NCOA1: variants seen among roughly 807,000 people sequenced by gnomAD.
The protein encoded by NCOA1 is Hin-2 protein.
A neutral mutation model predicts 150.9 loss-of-function variants in NCOA1; 35 were observed. That is an observed-to-expected ratio of 0.23 (90% CI 0.18 to 0.31). The LOEUF is 0.31. Among genes scored for constraint, NCOA1 ranks in the 10% least tolerant of loss-of-function variants. The pLI is 1.00. For synonymous variants in NCOA1, 590 were observed against 630.0 expected (o/e 0.94, Z 0.95); for missense variants, 1,491 against 1,749.3 (o/e 0.85, Z 2.63).
chr2:24,608,385 A>G (rs373430401), intron 3 of NCOA1, among the ~76,000 whole-genome samples: 7 of 150,698 alleles, frequency 4.6e-5, no homozygotes, highest in African/African-American at 7.3e-5. Flanking sequence ...GGTTCAAGCA[A>G]TTCTCCTGCC....
At chr2:24,660,663 T>C (rs180847800) in intron 5 of NCOA1, among the ~76,000 whole-genome samples, 2 of 152,324 alleles carry the variant, frequency 1.3e-5, no homozygotes, top group Admixed American at 1.3e-4. Flanking sequence ...AATATATTTT[T>C]CTACAAATAC....
chr2:24,555,270 TAATC>T (rs1049475450), intron 1 of NCOA1, among the ~76,000 whole-genome samples: 6 of 152,220 alleles, frequency 3.9e-5, no homozygotes, highest in African/African-American at 1.2e-4. Context: ...TTGGTATTCT[TAATC>T]TATCTTTGAG....
chr2:24,563,797 C>T (rs1666388536), intron 1 of NCOA1, among the ~76,000 whole-genome samples: 1 of 152,226 alleles, frequency 6.6e-6, no homozygotes, highest in Admixed American at 6.5e-5. Flanking sequence ...GGATTACAAG[C>T]ATGATCTACT....
chr2:24,753,675 T>C (rs1475835655), intron 20 of NCOA1, among the ~76,000 whole-genome samples: 1 of 152,202 alleles, frequency 6.6e-6, no homozygotes, highest in African/African-American at 2.4e-5. Flanking sequence ...ACTCTCCTCC[T>C]ATCACTTAGT....
At chr2:24,710,673 T>C (rs1455662991) in intron 13 of NCOA1, among the ~76,000 whole-genome samples, 1 of 152,188 alleles carries the variant, frequency 6.6e-6, no homozygotes, top group Non-Finnish European at 1.5e-5. Context: ...TACCAAGATA[T>C]AGTAGCCAAA....
At chr2:24,631,461 T>A (rs1669705677) in intron 3 of NCOA1, among the ~76,000 whole-genome samples, 1 of 152,178 alleles carries the variant, frequency 6.6e-6, no homozygotes, top group African/African-American at 2.4e-5. Context: ...TAACAAATTT[T>A]CATCACACCT....
At chr2:24,601,973 A>G (rs142845131) in intron 3 of NCOA1, among the ~76,000 whole-genome samples, 2 of 152,234 alleles carry the variant, frequency 1.3e-5, no homozygotes, top group East Asian at 3.9e-4. Context: ...GAATACAAGA[A>G]TTCCTTCCTT....
intron 1 of NCOA1, among the ~76,000 whole-genome samples, chr2:24,502,866 A>T (rs967883217): frequency 1.3e-5 from 2 of 152,182 alleles, no homozygotes; most frequent in Non-Finnish European, 2.9e-5. Context: ...AAAGTAATCA[A>T]TTCCTCCTGT....
chr2:24,737,894 C>G (rs1044894062), intron 17 of NCOA1, among the ~76,000 whole-genome samples: 4 of 152,160 alleles, frequency 2.6e-5, no homozygotes, highest in African/African-American at 9.7e-5. Context: ...TTAAGTAAAT[C>G]TTTATAAAAT....
chr2:24,627,803 GTTT>G (rs1437682857), intron 3 of NCOA1, among the ~76,000 whole-genome samples: 2 of 152,180 alleles, frequency 1.3e-5, no homozygotes, highest in Non-Finnish European at 2.9e-5. Context: ...TAATTTTTAG[GTTT>G]TTGAGTGTGG....
intron 1 of NCOA1, among the ~76,000 whole-genome samples, chr2:24,501,727 G>A (rs1442018163): frequency 1.3e-5 from 2 of 152,142 alleles, no homozygotes; most frequent in Non-Finnish European, 2.9e-5. Context: ...ATAGGCTTTA[G>A]GGGATCTGTA....
At chr2:24,550,179 CTT>C (rs909595011) in intron 1 of NCOA1, among the ~76,000 whole-genome samples, 1 of 152,212 alleles carries the variant, frequency 6.6e-6, no homozygotes, top group African/African-American at 2.4e-5. Flanking sequence ...ATTTTCCTCT[CTT>C]CTTCTGAGCA....
intron 10 of NCOA1, among the ~76,000 whole-genome samples, chr2:24,695,549 A>G (rs1316120716): frequency 6.6e-6 from 1 of 152,256 alleles, no homozygotes. Context: ...TATATAAATC[A>G]TAGAATTGAC....
At chr2:24,612,359 A>G (rs561602487) in intron 3 of NCOA1, among the ~76,000 whole-genome samples, 25 of 152,244 alleles carry the variant, frequency 1.6e-4, no homozygotes, top group African/African-American at 5.5e-4. Flanking sequence ...TTTTGTGATT[A>G]TATTTCTTAT....
At chr2:24,611,450 G>A (rs1668623592) in intron 3 of NCOA1, among the ~76,000 whole-genome samples, 1 of 152,084 alleles carries the variant, frequency 6.6e-6, no homozygotes, top group South Asian at 2.1e-4. Context: ...ATATTCTTTT[G>A]GATATGTACC....
chr2:24,545,561 C>G (rs942026803), intron 1 of NCOA1, among the ~76,000 whole-genome samples: 1 of 152,130 alleles, frequency 6.6e-6, no homozygotes. Context: ...TCCTACCACC[C>G]CCTTGAGTAT....
chr2:24,768,850 G>T lies in NCOA1; in HGVS notation c.*459G>T, dbSNP rs1461368999. On this transcript the variant is annotated 3_prime_UTR_variant, in exon 23 of 23. Coordinates refer to ENST00000348332, the MANE Select transcript of NCOA1 (RefSeq NM_003743.5). ...TCCACCAAAGGCTGTCATGTGTCTCGAAATCAGCAGCCCTCCCCATCCCAA... is the reference window on the plus strand; with the variant it reads ...TCCACCAAAGGCTGTCATGTGTCTCTAAATCAGCAGCCCTCCCCATCCCAA... 2.7e-5 allele frequency: 6 copies of T among 223,930 alleles called. No homozygotes were observed. The highest frequency in any genetic ancestry group is 5.4e-5 in the Non-Finnish European group (6 of 112,048). 13.9% of individuals were successfully genotyped at this position (223,930 alleles called of 1,614,324 possible).
At chr2:24,539,362 G>T (rs1390829899) in intron 1 of NCOA1, among the ~76,000 whole-genome samples, 2 of 152,312 alleles carry the variant, frequency 1.3e-5, no homozygotes, top group East Asian at 1.9e-4. Context: ...TGAATGCAAA[G>T]ATATGAAGGC....
Position 24,701,871 on chromosome 2 carries a change from G to A in NCOA1, c.950-3215G>A, listed in dbSNP as rs753430199. ...TTAAAAATACAAAAATTAGCCAGGC[G>A]TGGTGGCATGAGCCTGTAATCCCAG... On this transcript the variant is annotated intron_variant, in intron 11 of 22. Transcript: ENST00000348332. Among the ~76,000 whole-genome samples the A allele has an allele frequency of 2.9e-4, 44 of 152,282 alleles. 2 individuals carry two copies. Among genetic ancestry groups the A allele is most frequent in the Admixed American group, 6.5e-4 (10 of 15,298 alleles).
Sources: gnomAD v4.1 joint callset for allele counts (sites outside exome capture counted in the v4.1 genomes callset) on GRCh38, gnomAD v4.1.1 for gene constraint, MANE v1.5 for transcripts, NCBI Gene and HGNC (gene_info 2026-07-23, HGNC 2026-07-21) for gene names.